IFNAR1: variants seen among roughly 807,000 people sequenced by gnomAD.
IFNAR1 encodes the protein interferon alpha and beta receptor subunit 1, also known as interferon alpha/beta receptor 1.
IFNAR1 carries 47 observed loss-of-function variants against 62.1 expected under a neutral mutation model. That is an observed-to-expected ratio of 0.76 (90% CI 0.60 to 0.97). The LOEUF (loss-of-function observed/expected upper bound fraction) is 0.97, where lower values mean the gene tolerates loss of function less well. Among genes scored for constraint, IFNAR1 ranks in the 50% least tolerant of loss-of-function variants. The pLI, the probability that IFNAR1 is intolerant of heterozygous loss-of-function variation, is 0.00. For missense variants in IFNAR1, 638 were observed against 654.5 expected, an observed-to-expected ratio of 0.97 and a Z score of 0.27; for synonymous variants, 219 against 226.9, an observed-to-expected ratio of 0.97 and a Z score of 0.31.
Position 33,355,311 on chromosome 21 carries a change from A to G in IFNAR1, c.1441-5A>G. ...ATTTCTACTCTTTCCCTTTTTTTAA[A>G]TTAGTATTTCTCTGAACAGCCATTG... On this transcript the variant is annotated splice_polypyrimidine_tract_variant and splice_region_variant and intron_variant, in intron 10 of 10. Transcript: ENST00000270139. 1 of 1,371,800 alleles carries G rather than the reference A, an allele frequency of 7.3e-7. No homozygotes were observed. The highest frequency in any genetic ancestry group is 2.3e-5 in the East Asian group (1 of 42,566). 85.0% of individuals were successfully genotyped at this position (1,371,800 alleles called of 1,614,324 possible). A position where few individuals can be genotyped will look rare whatever the true frequency, so the allele number is the denominator to read the frequency against.
At chr21:33,354,203 G>A (rs144059103) in intron 10 of IFNAR1, among the ~76,000 whole-genome samples, 127 of 152,320 alleles carry the variant, frequency 8.3e-4, no homozygotes, top group African/African-American at 2.9e-3. Flanking sequence ...TTAGCCGGGC[G>A]TGGTGGCACA....
chr21:33,352,406 C>T (rs1362613638), intron 8 of IFNAR1, among the ~76,000 whole-genome samples: 1 of 151,844 alleles, frequency 6.6e-6, no homozygotes, highest in Non-Finnish European at 1.5e-5. Context: ...AGTTCAAGAC[C>T]AGCCTGAACA....
intron 1 of IFNAR1, among the ~76,000 whole-genome samples, chr21:33,327,140 G>A (rs2123650262): frequency 6.6e-6 from 1 of 152,170 alleles, no homozygotes; most frequent in Non-Finnish European, 1.5e-5. Context: ...TAGGGTCCTG[G>A]TGCATCCCAT....
In IFNAR1 at chr21:33,335,597, C is replaced by A; in HGVS notation, c.150C>A (p.Asn50Lys). Residue 50 changes from asparagine (N) to lysine (K), a missense_variant, in exon 2 of 11, where the codon AAC (asparagine) becomes AAA (lysine). Transcript: ENST00000270139. ...ATGACAACTTTATCCTGAGGTGGAA[C>A]AGGAGCGATGAGTCTGTCGGGAATG... is the stretch of plus-strand genomic sequence containing the variant. ...IIDDNFILRW[N>K]RSDESVGNVT... 6.2e-7 allele frequency: 1 copy of A among 1,607,002 alleles called. No individual in the cohort carries two copies. Among genetic ancestry groups the A allele is most frequent in the Non-Finnish European group, 8.5e-7 (1 of 1,176,444 alleles).
intron 8 of IFNAR1, 93 bp downstream of exon 8, chr21:33,349,636 T>A: frequency 1.0e-6 from 1 of 974,584 alleles, no homozygotes; most frequent in Non-Finnish European, 1.5e-6. Context: ...GGGAAATTTT[T>A]AAACTTTATG....
chr21:33,353,037 C>T (rs2083413810), intron 9 of IFNAR1, 129 bp downstream of exon 9: 1 of 544,758 alleles, frequency 1.8e-6, no homozygotes, highest in Non-Finnish European at 3.0e-6. Context: ...ATGTTTTCTT[C>T]ATGAACTACA....
intron 3 of IFNAR1, among the ~76,000 whole-genome samples, chr21:33,341,435 T>A (rs1170729717): frequency 1.3e-5 from 2 of 152,210 alleles, no homozygotes; most frequent in Non-Finnish European, 2.9e-5. Flanking sequence ...TAAGACTTAG[T>A]TGCCTTTTTA....
Position 33,335,644 on chromosome 21 carries a change from A to T in IFNAR1, c.197A>T (p.Gln66Leu). 6.4e-7 allele frequency: 1 copy of T among 1,561,322 alleles called. No homozygotes were observed. Among genetic ancestry groups the T allele is most frequent in the Non-Finnish European group, 8.7e-7 (1 of 1,152,928 alleles). The change falls in exon 2 of 11, where the codon CAA (glutamine) becomes CTA (leucine). Residue 66 changes from glutamine to leucine, a missense_variant. Physicochemically the swap from Gln to Leu is moderately radical, Grantham distance 113. Coordinates refer to ENST00000270139, the MANE Select transcript of IFNAR1 (RefSeq NM_000629.3). The stretch of plus-strand genomic sequence containing the variant: ...AATGTGACTTTTTCATTCGATTATC[A>T]AAAGTATGTGACTCTACTTACTGAT... ...VGNVTFSFDY[Q>L]KTGMDNWIKL...
At chr21:33,338,260 T>C (rs17875806) in intron 2 of IFNAR1, among the ~76,000 whole-genome samples, 1 of 151,886 alleles carries the variant, frequency 6.6e-6, no homozygotes, top group Non-Finnish European at 1.5e-5. Context: ...AGGCTGGGCA[T>C]GGTGGCTCAC....
At chr21:33,346,817 ATGAACAAGGCCT>A (rs1449834765) in intron 6 of IFNAR1, among the ~76,000 whole-genome samples, 1 of 152,230 alleles carries the variant, frequency 6.6e-6, no homozygotes, top group Non-Finnish European at 1.5e-5. Flanking sequence ...GAGATAAGGT[ATGAACAAGGCCT>A]TGATTGTTAA....
chr21:33,346,431 T>C (rs2083347576), intron 6 of IFNAR1, among the ~76,000 whole-genome samples: 1 of 152,212 alleles, frequency 6.6e-6, no homozygotes, highest in Non-Finnish European at 1.5e-5. Flanking sequence ...AGAATGCAAA[T>C]GCATTTATGT....
rs1338596498 is a variant in IFNAR1 at position 33,341,180 on chromosome 21, A to G, written c.376+6A>G. ...ATTTACACCATTTCGCAAAGGTAAG[A>G]AAAAGTTGCTAGCTGAATTATATTC... is the stretch of plus-strand genomic sequence containing the variant. On this transcript the variant is annotated splice_donor_region_variant and intron_variant, in intron 3 of 10. Coordinates refer to ENST00000270139, the MANE Select transcript of IFNAR1 (RefSeq NM_000629.3). The G allele has an allele frequency of 4.4e-6, 7 of 1,598,666 alleles. No individual in the cohort carries two copies. Among genetic ancestry groups the G allele is most frequent in the Non-Finnish European group, 6.0e-6 (7 of 1,171,242 alleles).
intron 3 of IFNAR1, among the ~76,000 whole-genome samples, chr21:33,342,083 A>G (rs902364653): frequency 1.2e-4 from 18 of 152,196 alleles, no homozygotes; most frequent in Admixed American, 1.2e-3. Context: ...CACATAAATA[A>G]TGGCTGTTTG....
At chr21:33,351,782 G>T (rs1400735210) in intron 8 of IFNAR1, among the ~76,000 whole-genome samples, 2 of 151,918 alleles carry the variant, frequency 1.3e-5, no homozygotes, top group Non-Finnish European at 2.9e-5. Flanking sequence ...GGTGGTGGTG[G>T]TGGTTGTTTT....
intron 5 of IFNAR1, among the ~76,000 whole-genome samples, chr21:33,344,734 C>G (rs1415090678): frequency 6.6e-6 from 1 of 150,998 alleles, no homozygotes; most frequent in East Asian, 1.9e-4. Flanking sequence ...TTCATTTGAT[C>G]TTAGCCATCT....
intron 1 of IFNAR1, among the ~76,000 whole-genome samples, chr21:33,331,285 G>A (rs1386099269): frequency 6.6e-6 from 1 of 152,096 alleles, no homozygotes. Context: ...AAGCTGAAGT[G>A]GTATACGGCA....
chr21:33,351,260 G>A (rs1293659439), intron 8 of IFNAR1, among the ~76,000 whole-genome samples: 1 of 152,220 alleles, frequency 6.6e-6, no homozygotes, highest in African/African-American at 2.4e-5. Flanking sequence ...CCAGACCGTA[G>A]ATGCTGGAGC....
At chr21:33,335,481 TAC>T (rs2083224573) in intron 1 of IFNAR1, 41 bp from the exon 2 acceptor site, 1 of 1,182,838 alleles carries the variant, frequency 8.5e-7, no homozygotes, top group South Asian at 1.4e-5. Context: ...AGAATATCTG[TAC>T]AGTTTGTATA....
intron 1 of IFNAR1, among the ~76,000 whole-genome samples, chr21:33,331,613 G>A (rs1050425523): frequency 1.3e-5 from 2 of 152,102 alleles, no homozygotes; most frequent in African/African-American, 4.8e-5. Context: ...TCCCAGCCCA[G>A]ACAACAGCTA....
Sources: gnomAD v4.1 joint callset for allele counts (sites outside exome capture counted in the v4.1 genomes callset) on GRCh38, gnomAD v4.1.1 for gene constraint, MANE v1.5 for transcripts, NCBI Gene and HGNC (gene_info 2026-07-23, HGNC 2026-07-21) for gene names.